HDAC2: variants seen among roughly 807,000 people sequenced by gnomAD.
The protein encoded by HDAC2 is YY1-associated factor 1.
HDAC2 carries 5 observed loss-of-function variants against 68.5 expected under a neutral mutation model. The ratio of observed to expected loss-of-function variants is 0.07; its 90% CI spans 0.04 to 0.15. HDAC2 has a LOEUF of 0.15. Ranked by LOEUF, HDAC2 falls within the 10% of genes least tolerant of loss-of-function variation. The pLI, the probability that HDAC2 is intolerant of heterozygous loss-of-function variation, is 1.00. For synonymous variants in HDAC2, 182 were observed against 191.3 expected, an observed-to-expected ratio of 0.95 and a Z score of 0.40; for missense variants, 291 against 600.8, an observed-to-expected ratio of 0.48 and a Z score of 5.39.
At chr6:113,958,575 T>C (rs1776608666) in intron 3 of HDAC2, 74 bp downstream of exon 3, 2 of 732,422 alleles carry the variant, frequency 2.7e-6, no homozygotes, top group East Asian at 5.2e-5. Flanking sequence ...TATTCAGATT[T>C]AGATCATTCT....
intron 5 of HDAC2, among the ~76,000 whole-genome samples, 172 bp from the exon 6 acceptor site, chr6:113,953,590 T>TTAAA (rs2114604589): frequency 6.6e-6 from 1 of 152,356 alleles, no homozygotes; most frequent in African/African-American, 2.4e-5. Context: ...CCTCAGGCCT[T>TTAAA]TAAATACCCA....
chr6:113,952,807 C>G (rs1776451674), intron 6 of HDAC2, among the ~76,000 whole-genome samples: 1 of 151,940 alleles, frequency 6.6e-6, no homozygotes, highest in Non-Finnish European at 1.5e-5. Context: ...TATCCTTTCT[C>G]TACCTAAATA....
At chr6:113,941,553 T>C (rs1028342505) in intron 13 of HDAC2, among the ~76,000 whole-genome samples, 155 bp downstream of exon 13, 1 of 152,136 alleles carries the variant, frequency 6.6e-6, no homozygotes, top group African/African-American at 2.4e-5. Flanking sequence ...ATATGTTGTC[T>C]TATGTACCAA....
In HDAC2 at chr6:113,946,048, T is replaced by C. The variant is rs1323560049; in HGVS notation, c.942A>G (p.Thr314=). The change falls in exon 9 of 14, where the codon ACA becomes ACG. Residue 314 remains threonine, a synonymous_variant. Transcript: ENST00000519065. ...AATCAAGGGCAACTGCAGTCTCATA[T>C]GTCCAACATCGAGCAACATTACGGA... ...YTIRNVARCW[T]YETAVALDCE... is the part of the protein sequence containing the mutation. 6.2e-7 allele frequency: 1 copy of C among 1,613,376 alleles called. No individual in the cohort carries two copies. The highest frequency in any genetic ancestry group is 8.5e-7 in the Non-Finnish European group (1 of 1,179,308).
chr6:113,956,290 C>A, intron 4 of HDAC2, 139 bp from the exon 5 acceptor site: 1 of 700,490 alleles, frequency 1.4e-6, no homozygotes, highest in South Asian at 2.2e-5. Flanking sequence ...ATCTATAACA[C>A]AAATAGGAGT....
At chr6:113,967,262 G>C (rs1776845852) in intron 1 of HDAC2, among the ~76,000 whole-genome samples, 1 of 152,086 alleles carries the variant, frequency 6.6e-6, no homozygotes. Flanking sequence ...CCGAGTAACT[G>C]GGACTACTGG....
At chr6:113,950,541 C>A (rs138955987) in intron 6 of HDAC2, among the ~76,000 whole-genome samples, 1 of 151,138 alleles carries the variant, frequency 6.6e-6, no homozygotes, top group African/African-American at 2.4e-5. Context: ...TACAGGTGCA[C>A]GCCACCACAC....
chr6:113,949,119 C>T (rs1402184983), intron 7 of HDAC2, 32 bp from the exon 8 acceptor site: 2 of 1,602,404 alleles, frequency 1.2e-6, no homozygotes, highest in Non-Finnish European at 1.7e-6. Context: ...TTAGCATCTC[C>T]AATAACATTC....
At chr6:113,944,919 TATA>T (rs574331732) in intron 10 of HDAC2, among the ~76,000 whole-genome samples, 195 of 152,350 alleles carry the variant, frequency 1.3e-3, no homozygotes, top group Non-Finnish European at 2.4e-3. Context: ...TGCTATGTAC[TATA>T]ATGTCTCTAC....
Position 113,941,744 on chromosome 6 carries a change from G to A in HDAC2, c.1400C>T (p.Ser467Phe). 2 of 1,436,970 alleles carry A rather than the reference G, an allele frequency of 1.4e-6. No homozygotes were observed. The highest frequency in any genetic ancestry group is 2.7e-5 in the South Asian group (2 of 75,364). 89.0% of individuals were successfully genotyped at this position (1,436,970 alleles called of 1,614,324 possible). A position where few individuals can be genotyped will look rare whatever the true frequency, so the allele number is the denominator to read the frequency against. Residue 467 changes from serine to phenylalanine, a missense_variant, in exon 13 of 14, where the codon TCC (serine) becomes TTC (phenylalanine). Ser to Phe is a radical substitution (Grantham distance 155, BLOSUM62 -2). Transcript: ENST00000519065. ...TGTTTTTTCACCACTGTTGTCCTTG[G>A]ATTTATCTTCTTCCTTAACGTCTAA... is the stretch of plus-strand genomic sequence containing the variant. ...KKTDVKEEDK[S>F]KDNSGEKTDT... is the part of the protein sequence containing the mutation.
rs1776006089 is a variant in HDAC2, at chr6:113,936,690, T to C, written c.*4368A>G. The C allele has an allele frequency of 6.6e-6, 1 of 152,274 alleles. No homozygotes were observed. Among genetic ancestry groups the C allele is most frequent in the African/African-American group, 2.4e-5 (1 of 41,416 alleles). The allele number at this position is 152,274 out of a possible 1,614,324, so 9.4% of individuals were successfully genotyped here. On this transcript the variant is annotated 3_prime_UTR_variant, in exon 14 of 14. Coordinates refer to ENST00000519065, the MANE Select transcript of HDAC2 (RefSeq NM_001527.4). ...CACCACTCTCACCCATCTATCTACC[T>C]TTACCTCATAACAATAGCAAGCCAG... is the stretch of plus-strand genomic sequence containing the variant.
chr6:113,954,895 T>G (rs1340292567), intron 5 of HDAC2, among the ~76,000 whole-genome samples: 5 of 152,092 alleles, frequency 3.3e-5, no homozygotes, highest in African/African-American at 1.2e-4. Flanking sequence ...CCTCTATAGA[T>G]CTCTCTCTCA....
chr6:113,945,309 C>G, intron 10 of HDAC2, 53 bp downstream of exon 10: 2 of 891,218 alleles, frequency 2.2e-6, no homozygotes, highest in Non-Finnish European at 3.7e-6. Flanking sequence ...TTAAAGCATA[C>G]TAAATCTTTG....
intron 5 of HDAC2, among the ~76,000 whole-genome samples, chr6:113,955,299 C>A (rs1776525688): frequency 1.3e-5 from 2 of 152,030 alleles, no homozygotes. Flanking sequence ...CTGCAACCTC[C>A]ACCTCCCAGG....
Position 113,970,912 on chromosome 6 carries a change from C to T in HDAC2, c.-4G>A. On this transcript the variant is annotated 5_prime_UTR_variant, in exon 1 of 14. Transcript: ENST00000519065. ...CGCCTCCTTGACTGTACGCCATGGGCTCCCCGGCCACCGCCGCCACCGGGC... is the reference window on the plus strand; with the variant it reads ...CGCCTCCTTGACTGTACGCCATGGGTTCCCCGGCCACCGCCGCCACCGGGC... 9.0e-6 allele frequency: 14 copies of T among 1,549,890 alleles called. No homozygotes were observed. The highest frequency in any genetic ancestry group is 1.2e-5 in the Non-Finnish European group (14 of 1,146,974).
chr6:113,944,623 C>T (rs1465523235), intron 10 of HDAC2, among the ~76,000 whole-genome samples: 4 of 152,068 alleles, frequency 2.6e-5, no homozygotes, highest in Non-Finnish European at 4.4e-5. Flanking sequence ...TCAGCCTCTG[C>T]GCGTTAGGAC....
chr6:113,953,213 G>A (rs986411454), intron 6 of HDAC2, 64 bp downstream of exon 6: 2 of 1,169,220 alleles, frequency 1.7e-6, no homozygotes, highest in African/African-American at 3.1e-5. Flanking sequence ...ACTACTTCAA[G>A]TATAGGATTA....
At chr6:113,951,631 CT>C (rs1371958545) in intron 6 of HDAC2, among the ~76,000 whole-genome samples, 1 of 152,030 alleles carries the variant, frequency 6.6e-6, no homozygotes, top group African/African-American at 2.4e-5. Flanking sequence ...CCACGCCCGG[CT>C]AATTTTTTGT....
chr6:113,938,706 T>C lies in HDAC2; in HGVS notation c.*2352A>G, dbSNP rs1776060988. 6.6e-6 allele frequency: 1 copy of C among 152,208 alleles called. No homozygotes were observed. Among genetic ancestry groups the C allele is most frequent in the African/African-American group, 2.4e-5 (1 of 41,464 alleles). 9.4% of individuals were successfully genotyped at this position (152,208 alleles called of 1,614,324 possible). ...TATTCTGACATCTTACTATGTTACA[T>C]TGACCTTACTAGACACAAGAACCAT... is the stretch of plus-strand genomic sequence containing the variant. On this transcript the variant is annotated 3_prime_UTR_variant, in exon 14 of 14. Coordinates refer to ENST00000519065, the MANE Select transcript of HDAC2 (RefSeq NM_001527.4).
Sources: gnomAD v4.1 joint callset for allele counts (sites outside exome capture counted in the v4.1 genomes callset) on GRCh38, gnomAD v4.1.1 for gene constraint, MANE v1.5 for transcripts, NCBI Gene and HGNC (gene_info 2026-07-23, HGNC 2026-07-21) for gene names.